Variants in SGCE observed in about 807,000 individuals in gnomAD.
SGCE encodes the protein sarcoglycan epsilon.
In SGCE, 26 loss-of-function variants were observed where a neutral mutation model predicts 57.8. The observed-to-expected ratio is 0.45, with a 90% CI of 0.33 to 0.62. The LOEUF (loss-of-function observed/expected upper bound fraction) is 0.62, where lower values mean the gene tolerates loss of function less well. Ranked by LOEUF, SGCE falls within the 20% of genes least tolerant of loss-of-function variation. SGCE has a pLI of 0.02. For synonymous variants in SGCE, 183 were observed against 189.5 expected (o/e 0.97, Z 0.28); for missense variants, 468 against 548.6 (o/e 0.85, Z 1.47).
chr7:94,613,408 T>C (rs568427286), intron 5 of SGCE, among the ~76,000 whole-genome samples: 1 of 152,326 alleles, frequency 6.6e-6, no homozygotes, highest in African/African-American at 2.4e-5. Context: ...TTTATGACCC[T>C]AGCACATGTT....
At chr7:94,639,342 A>G in intron 1 of SGCE, 1 of 1,521,746 alleles carries the variant, frequency 6.6e-7, no homozygotes, top group Non-Finnish European at 8.8e-7. Context: ...TAAACTCACC[A>G]TCTTTCATCC....
chr7:94,615,456 G>A (rs1801785561), intron 5 of SGCE, among the ~76,000 whole-genome samples: 1 of 152,026 alleles, frequency 6.6e-6, no homozygotes, highest in African/African-American at 2.4e-5. Context: ...CATAGATAGA[G>A]ACAATTTCAG....
chr7:94,587,650 A>G, intron 10 of SGCE: 1 of 1,478,430 alleles, frequency 6.8e-7, no homozygotes. Flanking sequence ...GCACCAACAC[A>G]TCAATATATT....
At chr7:94,594,762 A>G (rs1798159867) in intron 9 of SGCE, among the ~76,000 whole-genome samples, 1 of 152,168 alleles carries the variant, frequency 6.6e-6, no homozygotes, top group Admixed American at 6.6e-5. Context: ...ATTCCAAAAT[A>G]AAAAGTTTAT....
At chr7:94,602,603 ATTG>A (rs1799438374) in intron 6 of SGCE, among the ~76,000 whole-genome samples, 1 of 152,132 alleles carries the variant, frequency 6.6e-6, no homozygotes, top group Non-Finnish European at 1.5e-5. Context: ...AAAACAAAGA[ATTG>A]AAACAACTCT....
In SGCE at chr7:94,647,955, G is replaced by GA. The variant is rs1000576635; in HGVS notation, c.109+8034dup. On this transcript the variant is annotated intron_variant, in intron 1 of 10. Coordinates refer to ENST00000648936, the MANE Select transcript of SGCE (RefSeq NM_003919.3). Reference sequence around the variant, plus strand: ...ATTGTTTGATTAATCAAATAATCTTGAAAAAAACCCTGTTCTTTGTCAACC... The same window carrying GA: ...ATTGTTTGATTAATCAAATAATCTTGAAAAAAAACCCTGTTCTTTGTCAACC... Among the ~76,000 whole-genome samples, 27 of 152,132 alleles carry GA rather than the reference G, an allele frequency of 1.8e-4. No individual in the cohort carries two copies. In the East Asian group the frequency reaches 2.7e-3, roughly 15 times the overall value.
intron 1 of SGCE, chr7:94,639,498 T>C: frequency 8.8e-7 from 1 of 1,138,190 alleles, no homozygotes; most frequent in East Asian, 2.6e-5. Flanking sequence ...ATGTCATGAT[T>C]TTTTAAAATG....
intron 5 of SGCE, among the ~76,000 whole-genome samples, chr7:94,608,872 T>C (rs959273445): frequency 6.6e-6 from 1 of 152,124 alleles, no homozygotes; most frequent in African/African-American, 2.4e-5. Context: ...CTTATACATG[T>C]AAAAAATGAA....
At chr7:94,627,404 A>T (rs2116951064) in intron 3 of SGCE, 1 of 152,104 alleles carries the variant, frequency 6.6e-6, no homozygotes, top group Admixed American at 6.6e-5. Flanking sequence ...GATGAATGGT[A>T]ACATCACCAT....
intron 1 of SGCE, among the ~76,000 whole-genome samples, chr7:94,655,445 G>C (rs1441502476): frequency 6.6e-6 from 1 of 152,126 alleles, no homozygotes; most frequent in East Asian, 1.9e-4. Flanking sequence ...TTCCGTCACC[G>C]AGAAATGCAC....
In SGCE at chr7:94,603,993, G is replaced by T. The variant is rs115891579; in HGVS notation, c.663-541C>A. Among the ~76,000 whole-genome samples, 835 of 152,092 alleles carry T rather than the reference G, an allele frequency of 5.5e-3. 10 individuals are homozygous for T. Among genetic ancestry groups the T allele is most frequent in the African/African-American group, 0.019 (787 of 41,514 alleles). On this transcript the variant is annotated intron_variant, in intron 5 of 10. Transcript: ENST00000648936. ...TTTTCTACTACACAAACCCCTATATGCTTGGTCTCTCATTAGAAGGCCTTG... is the reference window on the plus strand; with the variant it reads ...TTTTCTACTACACAAACCCCTATATTCTTGGTCTCTCATTAGAAGGCCTTG...
chr7:94,587,860 A>G, intron 10 of SGCE: 1 of 1,523,732 alleles, frequency 6.6e-7, no homozygotes, highest in Non-Finnish European at 8.8e-7. Context: ...CTGAATGAAA[A>G]CATCCAACAC....
intron 10 of SGCE, chr7:94,588,408 C>T: frequency 8.2e-7 from 1 of 1,214,882 alleles, no homozygotes; most frequent in Non-Finnish European, 1.0e-6. Flanking sequence ...GAATAGGGAA[C>T]TTCACTGAAG....
At chr7:94,598,726 T>G (rs747478765) in intron 9 of SGCE, 49 bp downstream of exon 9, 1 of 1,241,544 alleles carries the variant, frequency 8.1e-7, no homozygotes, top group Non-Finnish European at 1.2e-6. Flanking sequence ...CAGATATTAG[T>G]AAAAATATAC....
At chr7:94,623,233 T>G (rs1803102705) in intron 4 of SGCE, 92 bp downstream of exon 4, 2 of 756,304 alleles carry the variant, frequency 2.6e-6, no homozygotes, top group African/African-American at 3.6e-5. Context: ...GTATGTGGCA[T>G]TTTAAAATTC....
chr7:94,596,073 GGA>G (rs1444832812), intron 9 of SGCE, among the ~76,000 whole-genome samples: 1 of 151,910 alleles, frequency 6.6e-6, no homozygotes, highest in African/African-American at 2.4e-5. Flanking sequence ...AAGGTTTTCT[GGA>G]CTTAAAAATA....
In SGCE at chr7:94,628,196, A is replaced by G; in HGVS notation, c.390+6T>C. The G allele has an allele frequency of 6.2e-7, 1 of 1,608,192 alleles. No homozygotes were observed. The highest frequency in any genetic ancestry group is 8.5e-7 in the Non-Finnish European group (1 of 1,176,066). On this transcript the variant is annotated splice_donor_region_variant and intron_variant, in intron 3 of 10. Coordinates refer to ENST00000648936, the MANE Select transcript of SGCE (RefSeq NM_003919.3). ...TATAGTTTTGCTCTTTCTAGGTGTAAATTACCTCAATGATTGTTGGCTTCC... is the reference window on the plus strand; with the variant it reads ...TATAGTTTTGCTCTTTCTAGGTGTAGATTACCTCAATGATTGTTGGCTTCC...
At chr7:94,591,512 A>G (rs1253727096) in intron 9 of SGCE, among the ~76,000 whole-genome samples, 3 of 152,220 alleles carry the variant, frequency 2.0e-5, no homozygotes, top group African/African-American at 7.2e-5. Context: ...TATAGAATGT[A>G]GGTGTTCTAA....
At chr7:94,589,791 C>A in intron 9 of SGCE, 1 of 188,358 alleles carries the variant, frequency 5.3e-6, no homozygotes, top group South Asian at 1.4e-4. Flanking sequence ...GGAAAACAAG[C>A]TGAGGGCTCC....
Sources: allele counts gnomAD v4.1 joint callset (sites outside exome capture counted in the v4.1 genomes callset), GRCh38; gene constraint gnomAD v4.1.1; transcripts MANE v1.5; gene names NCBI Gene and HGNC (gene_info 2026-07-23, HGNC 2026-07-21).